Variants in PCDHA1 observed in about 807,000 individuals in gnomAD.
PCDHA1 encodes the protein protocadherin alpha 1, also known as protocadherin alpha-1.
PCDHA1 carries 42 observed loss-of-function variants against 61.3 expected under a neutral mutation model. The observed-to-expected ratio is 0.69, with a 90% CI of 0.54 to 0.89. The LOEUF is 0.89. PCDHA1 is among the 40% of genes least tolerant of loss of function. The pLI is 0.00. For missense variants in PCDHA1, 1,256 were observed against 1,235.3 expected, an observed-to-expected ratio of 1.02 and a Z score of -0.25; for synonymous variants, 610 against 553.8, an observed-to-expected ratio of 1.10 and a Z score of -1.43.
intron 1 of PCDHA1, chr5:140,876,965 G>C (rs1554169161): frequency 1.9e-6 from 3 of 1,612,976 alleles, no homozygotes; most frequent in East Asian, 2.2e-5. Flanking sequence ...GTGGAGCGGC[G>C]GGTGGGCGAG....
chr5:140,869,853 C>A (rs1408875478), intron 1 of PCDHA1: 1 of 1,610,606 alleles, frequency 6.2e-7, no homozygotes, highest in Admixed American at 1.7e-5. Context: ...ATAAGGTGAG[C>A]CTTATGGAAA....
At chr5:140,830,225 G>A in intron 1 of PCDHA1, 7 of 1,613,898 alleles carry the variant, frequency 4.3e-6, no homozygotes, top group Non-Finnish European at 5.1e-6. Context: ...CAGCCTGCTG[G>A]TCCTCACGCT....
intron 1 of PCDHA1, chr5:140,870,604 C>T (rs376574285): frequency 1.9e-6 from 3 of 1,613,134 alleles, no homozygotes; most frequent in African/African-American, 2.7e-5. Context: ...GTTGGGCGAC[C>T]GCGCGCTGTC....
At chr5:140,841,103 G>T in intron 1 of PCDHA1, 2 of 582,476 alleles carry the variant, frequency 3.4e-6, no homozygotes, top group Non-Finnish European at 5.9e-6. Context: ...AGATATTGCG[G>T]AAGTAATTCA....
chr5:140,789,024 A>T (rs1214261373), intron 1 of PCDHA1, among the ~76,000 whole-genome samples: 1 of 152,254 alleles, frequency 6.6e-6, no homozygotes, highest in Non-Finnish European at 1.5e-5. Flanking sequence ...TTATTATGTT[A>T]TCTTTTCTGG....
chr5:140,802,430 C>T (rs1047484049), intron 1 of PCDHA1: 1 of 1,614,086 alleles, frequency 6.2e-7, no homozygotes, highest in African/African-American at 1.3e-5. Flanking sequence ...TGCTGGACAG[C>T]CCTCTGGACC....
At chr5:140,841,406 G>C (rs2150314785) in intron 1 of PCDHA1, 3 of 1,613,082 alleles carry the variant, frequency 1.9e-6, no homozygotes, top group Non-Finnish European at 1.7e-6. Context: ...GGTGGGGAGC[G>C]GCCAGCTCCA....
rs782421721 is a variant in PCDHA1, at chr5:140,966,807, C to T, written c.2395-12142C>T. Reference sequence around the variant, plus strand: ...ACCAGACCTGCGGCGACAGAGCATCCACGGCTCCGGCGGCCCATGCCCTGG... The same window carrying T: ...ACCAGACCTGCGGCGACAGAGCATCTACGGCTCCGGCGGCCCATGCCCTGG... On this transcript the variant is annotated intron_variant, in intron 1 of 3. Transcript: ENST00000504120. 3 of 1,547,208 alleles carry T rather than the reference C, an allele frequency of 1.9e-6. No homozygotes were observed. The South Asian group carries it at 3.6e-5, about 18-fold the overall frequency.
At chr5:140,897,610 C>T (rs1439314706) in intron 1 of PCDHA1, among the ~76,000 whole-genome samples, 2 of 152,078 alleles carry the variant, frequency 1.3e-5, no homozygotes, top group East Asian at 1.9e-4. Context: ...TGGGTTGGTT[C>T]CAAGTCTTTA....
intron 3 of PCDHA1, among the ~76,000 whole-genome samples, chr5:140,991,246 AT>A (rs1239917412): frequency 6.6e-6 from 1 of 152,206 alleles, no homozygotes; most frequent in African/African-American, 2.4e-5. Context: ...TAAAGGCAGT[AT>A]TTGAACTCAT....
In PCDHA1 at chr5:140,802,547, C is replaced by T. The variant is rs781978011; in HGVS notation, c.2394+13863C>T. On this transcript the variant is annotated intron_variant, in intron 1 of 3. Coordinates refer to ENST00000504120, the MANE Select transcript of PCDHA1 (RefSeq NM_018900.4). ...CCGTGGAGGTGGCCGACGTGAACGA[C>T]AATGCGCCGGCATTCTCGCAGTCCG... The T allele has an allele frequency of 2.5e-6, 4 of 1,614,196 alleles. No individual in the cohort carries two copies. The Admixed American group carries it at 6.7e-5, about 27-fold the overall frequency.
chr5:140,802,094 T>C, intron 1 of PCDHA1: 2 of 1,614,186 alleles, frequency 1.2e-6, no homozygotes, highest in Middle Eastern at 3.3e-4. Context: ...ATCCAGTCAA[T>C]GGACAAATCA....
At chr5:140,936,425 T>C (rs1471918068) in intron 1 of PCDHA1, among the ~76,000 whole-genome samples, 2 of 152,244 alleles carry the variant, frequency 1.3e-5, no homozygotes, top group Non-Finnish European at 2.9e-5. Flanking sequence ...TAATTTTAAT[T>C]AATTTAAGCT....
rs782316579 is a variant in PCDHA1 at position 140,796,592 on chromosome 5, C to A, written c.2394+7908C>A. 5.6e-6 allele frequency: 9 copies of A among 1,613,432 alleles called. No homozygotes were observed. Among genetic ancestry groups the A allele is most frequent in the East Asian group, 2.2e-5 (1 of 44,850 alleles). The stretch of plus-strand genomic sequence containing the variant: ...GTGAGCGCGCGGGATGCGGGCGTGC[C>A]GCCTCTGGGCAGCAACGTGACGCTG... On this transcript the variant is annotated intron_variant, in intron 1 of 3. Transcript: ENST00000504120.
chr5:140,993,177 C>A lies in PCDHA1; in HGVS notation c.2542+10614C>A, dbSNP rs551395516. ...CTAAATATTTGCCTTTGGGAAATTTCTTTAGAGGGAAACTCACTAAAGCTA... is the reference window on the plus strand; with the variant it reads ...CTAAATATTTGCCTTTGGGAAATTTATTTAGAGGGAAACTCACTAAAGCTA... On this transcript the variant is annotated intron_variant, in intron 3 of 3. Transcript: ENST00000504120. 6.6e-5 allele frequency among the ~76,000 whole-genome samples: 10 copies of A among 152,258 alleles called. No homozygotes were observed. In the East Asian group the frequency reaches 1.9e-3, roughly 29 times the overall value.
At chr5:140,918,970 T>C (rs1217884686) in intron 1 of PCDHA1, among the ~76,000 whole-genome samples, 1 of 152,220 alleles carries the variant, frequency 6.6e-6, no homozygotes, top group Non-Finnish European at 1.5e-5. Flanking sequence ...CAGATATCGT[T>C]TAGGTTAGTT....
intron 1 of PCDHA1, among the ~76,000 whole-genome samples, chr5:140,847,068 T>C (rs1780845671): frequency 6.7e-6 from 1 of 149,654 alleles, no homozygotes; most frequent in South Asian, 2.1e-4. Context: ...AGCATCAATA[T>C]GACAAGTAGA....
At chr5:140,931,602 T>C (rs1192023680) in intron 1 of PCDHA1, among the ~76,000 whole-genome samples, 12 of 152,084 alleles carry the variant, frequency 7.9e-5, no homozygotes, top group Non-Finnish European at 1.2e-4. Flanking sequence ...TTTTCCATCA[T>C]TGTTGATATT....
Position 140,836,203 on chromosome 5 carries a change from T to G in PCDHA1, c.2394+47519T>G, listed in dbSNP as rs2150255288. The G allele has an allele frequency of 4.3e-6, 7 of 1,613,840 alleles. 1 individual carries two copies. The highest frequency in any genetic ancestry group is 1.7e-5 in the Admixed American group (1 of 60,022). On this transcript the variant is annotated intron_variant, in intron 1 of 3. Coordinates refer to ENST00000504120, the MANE Select transcript of PCDHA1 (RefSeq NM_018900.4). Reference sequence around the variant, plus strand: ...GCTGACTCAGGCTACAACGCGTGGCTTTCGTATGAGTTGCAACCGGTGGCG... The same window carrying G: ...GCTGACTCAGGCTACAACGCGTGGCGTTCGTATGAGTTGCAACCGGTGGCG...
Sources: allele counts gnomAD v4.1 joint callset (sites outside exome capture counted in the v4.1 genomes callset), GRCh38; gene constraint gnomAD v4.1.1; transcripts MANE v1.5; gene names NCBI Gene and HGNC (gene_info 2026-07-23, HGNC 2026-07-21).